Variants in NRAP observed in about 807,000 individuals in gnomAD.
The protein encoded by NRAP is nebulin-related-anchoring protein.
In NRAP, 189 loss-of-function variants were observed where a neutral mutation model predicts 225.9. The ratio of observed to expected loss-of-function variants is 0.84; its 90% confidence interval spans 0.74 to 0.94. The LOEUF (loss-of-function observed/expected upper bound fraction) is 0.94, where lower values mean the gene tolerates loss of function less well. Ranked by LOEUF, NRAP falls within the 40% of genes least tolerant of loss-of-function variation. The pLI is 0.00. For synonymous variants in NRAP, 769 were observed against 790.7 expected (o/e 0.97, Z 0.46); for missense variants, 2,176 against 2,168.7 (o/e 1.00, Z -0.07).
chr10:113,631,402 G>A (rs1276282790), intron 18 of NRAP, 107 bp downstream of exon 18: 2 of 656,910 alleles, frequency 3.0e-6, no homozygotes, highest in Non-Finnish European at 5.4e-6. Flanking sequence ...AGGAGTTGCA[G>A]GTAGAAGTCA....
intron 3 of NRAP, among the ~76,000 whole-genome samples, chr10:113,661,059 T>G (rs780374570): frequency 3.9e-5 from 6 of 152,216 alleles, no homozygotes; most frequent in Admixed American, 3.9e-4. Context: ...TTATTGTAAT[T>G]TCATGTAGCT....
chr10:113,658,339 T>C (rs1341308757), intron 3 of NRAP, among the ~76,000 whole-genome samples: 1 of 152,234 alleles, frequency 6.6e-6, no homozygotes, highest in Non-Finnish European at 1.5e-5. Context: ...AGAAGCTTTG[T>C]GTTTTTATAT....
chr10:113,647,673 G>GTAC (rs1412516405), intron 9 of NRAP, among the ~76,000 whole-genome samples: 25,709 of 135,042 alleles, frequency 0.19, 7,240 homozygotes, highest in Admixed American at 0.25. Flanking sequence ...TCCCCCGGTG[G>GTAC]TGCTGTCTCC....
chr10:113,643,113 T>A, intron 11 of NRAP, 75 bp from the exon 12 acceptor site: 1 of 733,786 alleles, frequency 1.4e-6, no homozygotes. Flanking sequence ...AGGACTTGAC[T>A]AGGATATTTT....
At chr10:113,650,219 A>C in intron 8 of NRAP, 78 bp from the exon 9 acceptor site, 2 of 947,306 alleles carry the variant, frequency 2.1e-6, no homozygotes, top group Middle Eastern at 2.2e-4. Flanking sequence ...TGAATGTCTT[A>C]ATGGAATGTT....
At position 113,649,902 on chromosome 10, in the gene NRAP, G is replaced by A. The variant is rs1199548483; in HGVS notation, c.888+135C>T. The A allele has an allele frequency of 1.5e-5, 9 of 614,210 alleles. No individual in the cohort carries two copies. The East Asian group carries it at 2.3e-4, about 16-fold the overall frequency. 38.0% of individuals were successfully genotyped at this position (614,210 alleles called of 1,614,324 possible). On this transcript the variant is annotated intron_variant, in intron 9 of 41. Coordinates refer to ENST00000359988, the MANE Select transcript of NRAP (RefSeq NM_198060.4). ...TTGTTTGTCCACTACTTTCTATCTT[G>A]GAAAATCTACCTTTCATAAAAAAGG... is the stretch of plus-strand genomic sequence containing the variant.
chr10:113,623,769 G>C, intron 22 of NRAP, 133 bp from the exon 23 acceptor site: 1 of 640,012 alleles, frequency 1.6e-6, no homozygotes. Context: ...GAGAGCCACA[G>C]AAATCATGTA....
At chr10:113,645,079 TGTAAG>T (rs1172714088) in intron 11 of NRAP, among the ~76,000 whole-genome samples, 1 of 152,144 alleles carries the variant, frequency 6.6e-6, no homozygotes, top group African/African-American at 2.4e-5. Context: ...CAGTGCAGCA[TGTAAG>T]GTAAGGGAAA....
At chr10:113,595,845 AC>A in intron 37 of NRAP, 118 bp from the exon 38 acceptor site, 1 of 628,412 alleles carries the variant, frequency 1.6e-6, no homozygotes, top group Non-Finnish European at 2.8e-6. Context: ...ATAGAACAGA[AC>A]CCAGTCCTGC....
intron 25 of NRAP, among the ~76,000 whole-genome samples, chr10:113,618,684 C>T (rs143991838): frequency 2.0e-4 from 30 of 152,308 alleles, no homozygotes; most frequent in African/African-American, 6.5e-4. Flanking sequence ...CAGTGGCTCA[C>T]GCCTGTAGCC....
chr10:113,652,599 AAAAATAAAAAT>A (rs1197077706), intron 6 of NRAP, among the ~76,000 whole-genome samples: 10 of 152,012 alleles, frequency 6.6e-5, no homozygotes, highest in East Asian at 3.9e-4. Flanking sequence ...AGCCAAGAAT[AAAAATAAAAAT>A]AAAATAAAAA....
rs903044995 is a variant in NRAP, at chr10:113,623,415, A to G, written c.2457+114T>C. ...GATTGCTATCATCTCCATTTTACAGATAAGAATCCTGAGATTCAGAGAGAT... is the reference window on the plus strand; with the variant it reads ...GATTGCTATCATCTCCATTTTACAGGTAAGAATCCTGAGATTCAGAGAGAT... On this transcript the variant is annotated intron_variant, in intron 23 of 41. Coordinates refer to ENST00000359988, the MANE Select transcript of NRAP (RefSeq NM_198060.4). 1.8e-5 allele frequency: 11 copies of G among 602,156 alleles called. No homozygotes were observed. In the African/African-American group the frequency reaches 1.8e-4, roughly 10 times the overall value. The allele number at this position is 602,156 out of a possible 1,614,324, so 37.3% of individuals were successfully genotyped here.
chr10:113,662,839 T>G (rs1194933560), intron 2 of NRAP, 73 bp from the exon 3 acceptor site: 1 of 656,138 alleles, frequency 1.5e-6, no homozygotes, highest in African/African-American at 1.9e-5. Flanking sequence ...TTCTTAAAAT[T>G]ATTTTTAAAT....
intron 37 of NRAP, among the ~76,000 whole-genome samples, chr10:113,596,866 A>G (rs1225951072): frequency 6.6e-6 from 1 of 152,046 alleles, no homozygotes; most frequent in Non-Finnish European, 1.5e-5. Flanking sequence ...CGAAACCCCA[A>G]CCTCCTTCAA....
chr10:113,648,515 A>G (rs1305797661), intron 9 of NRAP, among the ~76,000 whole-genome samples: 2 of 139,692 alleles, frequency 1.4e-5, no homozygotes, highest in Non-Finnish European at 1.5e-5. Context: ...TCTTTTTTCA[A>G]GACACCTAAT....
intron 38 of NRAP, among the ~76,000 whole-genome samples, chr10:113,594,258 C>T (rs937354792): frequency 2.6e-5 from 4 of 152,208 alleles, no homozygotes; most frequent in African/African-American, 9.7e-5. Flanking sequence ...CCTCACAGAG[C>T]ACTTGATCCA....
In NRAP at chr10:113,663,834, C is replaced by T. The variant is rs576211641; in HGVS notation, c.49G>A (p.Glu17Lys). 2.9e-5 allele frequency: 47 copies of T among 1,613,562 alleles called. No homozygotes were observed. Among genetic ancestry groups the T allele is most frequent in the Non-Finnish European group, 3.4e-5 (40 of 1,179,666 alleles). The change falls in exon 1 of 42, where the codon GAG becomes AAG. Residue 17 changes from glutamate (E) to lysine (K), a missense_variant. Physicochemically the swap from Glu to Lys is moderately conservative, Grantham distance 56. Transcript: ENST00000359988. ...ACCTGATCTATACAGCTGATCTTCT[C>T]GGCAGGATAAACCCCATACCCACAC... is the stretch of plus-strand genomic sequence containing the variant. Reference protein sequence around the residue: ...SRCGYGVYPAEKISCIDQIWH... With the variant: ...SRCGYGVYPAKKISCIDQIWH...
chr10:113,605,831 T>C lies in NRAP; in HGVS notation c.3846A>G (p.Gln1282=), dbSNP rs142990569. The change falls in exon 34 of 42, where the codon CAA becomes CAG. Residue 1282 remains glutamine, a synonymous_variant. Coordinates refer to ENST00000359988, the MANE Select transcript of NRAP (RefSeq NM_198060.4). ...GCGCTTCTATTGTCAGCTTGTAGCC[T>C]TGAGCACGAAGATTACGCCAGGACT... The part of the protein sequence containing the change: ...YKESWRNLRA[Q]GYKLTIEALP... 6.9e-5 allele frequency: 111 copies of C among 1,614,040 alleles called. No individual in the cohort carries two copies. The African/African-American group carries it at 1.3e-3, about 19-fold the overall frequency.
chr10:113,662,033 C>T lies in NRAP; in HGVS notation c.255+646G>A, dbSNP rs189263250. On this transcript the variant is annotated intron_variant, in intron 3 of 41. Coordinates refer to ENST00000359988, the MANE Select transcript of NRAP (RefSeq NM_198060.4). ...TTTTATGAAACAGTCTTGAGCTGGT[C>T]AAGACACAAAGATTATACTGAAATC... Among the ~76,000 whole-genome samples, 19 of 152,244 alleles carry T rather than the reference C, an allele frequency of 1.2e-4. No homozygotes were observed. The East Asian group carries it at 3.7e-3, about 29-fold the overall frequency.
Sources: allele counts gnomAD v4.1 joint callset (sites outside exome capture counted in the v4.1 genomes callset), GRCh38; gene constraint gnomAD v4.1.1; transcripts MANE v1.5; gene names NCBI Gene and HGNC (gene_info 2026-07-23, HGNC 2026-07-21).